Variants in VTI1A observed in about 807,000 individuals in gnomAD.
VTI1A encodes vesicle transport through interaction with t-SNAREs homolog 1A.
Under a neutral mutation model 34.9 loss-of-function variants are expected in VTI1A, and 22 were observed. The ratio of observed to expected loss-of-function variants is 0.63; its 90% CI spans 0.45 to 0.90. The LOEUF (loss-of-function observed/expected upper bound fraction) is 0.90, where lower values mean the gene tolerates loss of function less well. Ranked by LOEUF, VTI1A falls within the 40% of genes least tolerant of loss-of-function variation. The probability of loss-of-function intolerance (pLI) is 0.00; values close to 1 mark genes in which losing one functional copy is unlikely to be tolerated. For synonymous variants in VTI1A, 87 were observed against 97.3 expected, an observed-to-expected ratio of 0.89 and a Z score of 0.62; for missense variants, 268 against 275.6, an observed-to-expected ratio of 0.97 and a Z score of 0.20.
rs1848282429 is a variant in VTI1A, at chr10:112,476,520, G to T, written c.264+11863G>T. ...AATATCAAACATTAAAGAAGAAACA[G>T]TGATGCTGTGGTAGTGATGTTGCTG... On this transcript the variant is annotated intron_variant, in intron 3 of 7. Transcript: ENST00000393077. Among the ~76,000 whole-genome samples the T allele has an allele frequency of 2.0e-5, 3 of 152,294 alleles. 1 individual carries two copies. In the South Asian group the frequency reaches 6.2e-4, roughly 32 times the overall value.
At chr10:112,701,139 A>G (rs1173083591) in intron 7 of VTI1A, among the ~76,000 whole-genome samples, 2 of 152,224 alleles carry the variant, frequency 1.3e-5, no homozygotes, top group Non-Finnish European at 2.9e-5. Flanking sequence ...ATTTTTCATA[A>G]TTGTATGTTA....
chr10:112,819,984 C>T (rs1446478547), downstream of VTI1A, among the ~76,000 whole-genome samples: 2 of 152,188 alleles, frequency 1.3e-5, no homozygotes, highest in South Asian at 2.1e-4. Context: ...AGATGGTGCA[C>T]GTTCCTTGCT....
At chr10:112,799,262 T>C (rs143583772) in intron 7 of VTI1A, among the ~76,000 whole-genome samples, 358 of 152,314 alleles carry the variant, frequency 2.4e-3, no homozygotes, top group African/African-American at 8.2e-3. Context: ...CTCTTCCTTT[T>C]AATTTCTTCC....
At chr10:112,788,131 T>C (rs1204589860) in intron 7 of VTI1A, among the ~76,000 whole-genome samples, 1 of 152,082 alleles carries the variant, frequency 6.6e-6, no homozygotes, top group Non-Finnish European at 1.5e-5. Context: ...TTATGGCCTA[T>C]GTATGGTCTA....
intron 5 of VTI1A, among the ~76,000 whole-genome samples, chr10:112,594,945 A>G (rs1344935797): frequency 6.7e-6 from 1 of 148,782 alleles, no homozygotes; most frequent in African/African-American, 2.6e-5. Flanking sequence ...CCAGCATGGT[A>G]CTGGTACCAA....
At chr10:112,482,509 G>A (rs943998347) in intron 3 of VTI1A, among the ~76,000 whole-genome samples, 1 of 152,062 alleles carries the variant, frequency 6.6e-6, no homozygotes, top group African/African-American at 2.4e-5. Context: ...AATGAAAAAT[G>A]GCCGTAGATG....
intron 5 of VTI1A, among the ~76,000 whole-genome samples, chr10:112,539,046 G>C (rs1850763218): frequency 6.6e-6 from 1 of 152,112 alleles, no homozygotes; most frequent in Non-Finnish European, 1.5e-5. Flanking sequence ...TGCAATGACT[G>C]TTTGTCTCCA....
chr10:112,448,084 T>C (rs1847017451), intron 1 of VTI1A, among the ~76,000 whole-genome samples: 1 of 152,220 alleles, frequency 6.6e-6, no homozygotes, highest in Admixed American at 6.5e-5. Flanking sequence ...GACTTCTTAG[T>C]CTCTTTCAAC....
At chr10:112,793,410 C>G (rs1852559301) in intron 7 of VTI1A, among the ~76,000 whole-genome samples, 1 of 152,152 alleles carries the variant, frequency 6.6e-6, no homozygotes, top group African/African-American at 2.4e-5. Flanking sequence ...AAGTAAATTC[C>G]CGTTCTCCTG....
intron 3 of VTI1A, among the ~76,000 whole-genome samples, chr10:112,515,252 A>C (rs977478619): frequency 3.9e-5 from 6 of 152,104 alleles, no homozygotes; most frequent in Non-Finnish European, 7.4e-5. Context: ...AAAAGATCAG[A>C]ATGAAGATAT....
At chr10:112,597,693 CTTTTT>C (rs1180451909) in intron 5 of VTI1A, among the ~76,000 whole-genome samples, 25 of 90,638 alleles carry the variant, frequency 2.8e-4, no homozygotes, top group Non-Finnish European at 4.2e-4. Flanking sequence ...GACCTTGTCT[CTTTTT>C]TTTTTTTTTT....
At chr10:112,698,200 G>C (rs1186664904) in intron 7 of VTI1A, among the ~76,000 whole-genome samples, 1 of 152,106 alleles carries the variant, frequency 6.6e-6, no homozygotes, top group African/African-American at 2.4e-5. Context: ...TTTTAAAATT[G>C]AAAACAGAAA....
intron 7 of VTI1A, among the ~76,000 whole-genome samples, chr10:112,709,315 A>C (rs1328815854): frequency 1.3e-5 from 2 of 152,146 alleles, no homozygotes; most frequent in African/African-American, 2.4e-5. Flanking sequence ...AAGAGTATAC[A>C]ATGAAGATTT....
At chr10:112,690,576 G>A (rs1481129735) in intron 7 of VTI1A, among the ~76,000 whole-genome samples, 2 of 152,202 alleles carry the variant, frequency 1.3e-5, no homozygotes, top group Non-Finnish European at 2.9e-5. Context: ...GCATATAGCA[G>A]GGTGTGACAG....
intron 7 of VTI1A, among the ~76,000 whole-genome samples, chr10:112,709,659 CCAA>C (rs1373565089): frequency 2.0e-5 from 3 of 149,662 alleles, no homozygotes; most frequent in Non-Finnish European, 3.0e-5. Flanking sequence ...TCAGATCTCC[CCAA>C]CAAGAGGCAC....
chr10:112,600,972 G>A (rs1269563850), intron 5 of VTI1A, among the ~76,000 whole-genome samples: 2 of 152,182 alleles, frequency 1.3e-5, no homozygotes, highest in Non-Finnish European at 2.9e-5. Context: ...TTACAATCTA[G>A]TAAAGAAGAC....
the VTI1A span, chr10:112,824,193 C>G: frequency 2.0e-5 from 3 of 152,256 alleles, no homozygotes; most frequent in Non-Finnish European, 4.4e-5. Context: ...AGCCACAGAG[C>G]CAGGGGGCCT....
chr10:112,534,717 A>G (rs974721289), intron 4 of VTI1A, among the ~76,000 whole-genome samples: 33 of 152,216 alleles, frequency 2.2e-4, no homozygotes, highest in South Asian at 8.3e-4. Flanking sequence ...GAGCAGTTGT[A>G]TATATACACT....
chr10:112,739,191 C>T (rs1027394491), intron 7 of VTI1A, among the ~76,000 whole-genome samples: 8 of 152,198 alleles, frequency 5.3e-5, no homozygotes, highest in African/African-American at 1.7e-4. Flanking sequence ...ACAAGCTCAA[C>T]TTCACTTCCT....
Sources: allele counts gnomAD v4.1 joint callset (sites outside exome capture counted in the v4.1 genomes callset), GRCh38; gene constraint gnomAD v4.1.1; transcripts MANE v1.5; gene names NCBI Gene and HGNC (gene_info 2026-07-23, HGNC 2026-07-21).